Variants in GPC6 observed in about 807,000 individuals in gnomAD.
The protein encoded by GPC6 is glypican-6.
GPC6 carries 14 observed loss-of-function variants against 55.2 expected under a neutral mutation model. That is an observed-to-expected ratio of 0.25 (90% CI 0.17 to 0.40). GPC6 has a LOEUF of 0.40. Ranked by LOEUF, GPC6 falls within the 10% of genes least tolerant of loss-of-function variation. GPC6 has a pLI of 1.00. For missense variants in GPC6, 641 were observed against 708.5 expected, an observed-to-expected ratio of 0.90 and a Z score of 1.08; for synonymous variants, 278 against 259.6, an observed-to-expected ratio of 1.07 and a Z score of -0.68.
At chr13:93,520,729 G>C (rs909510816) in intron 1 of GPC6, among the ~76,000 whole-genome samples, 2 of 151,878 alleles carry the variant, frequency 1.3e-5, no homozygotes, top group African/African-American at 4.8e-5. Flanking sequence ...AATTTGGACT[G>C]TTTTTCATAG....
intron 1 of GPC6, among the ~76,000 whole-genome samples, chr13:93,440,603 G>A (rs1877752026): frequency 6.6e-6 from 1 of 152,142 alleles, no homozygotes; most frequent in Admixed American, 6.5e-5. Context: ...GAATAACTAG[G>A]TGGAGATCAG....
chr13:94,175,891 A>G (rs952849801), intron 4 of GPC6, among the ~76,000 whole-genome samples: 3 of 148,118 alleles, frequency 2.0e-5, no homozygotes, highest in Non-Finnish European at 3.0e-5. Flanking sequence ...TACTTTATTT[A>G]TATACATATA....
chr13:94,321,625 G>A (rs958486077), intron 6 of GPC6, among the ~76,000 whole-genome samples: 2 of 152,124 alleles, frequency 1.3e-5, no homozygotes, highest in African/African-American at 2.4e-5. Context: ...GCATTGGAAC[G>A]GTTATTTTTT....
At chr13:93,678,032 A>T (rs1367725015) in intron 2 of GPC6, among the ~76,000 whole-genome samples, 2 of 152,172 alleles carry the variant, frequency 1.3e-5, no homozygotes, top group Non-Finnish European at 2.9e-5. Flanking sequence ...AAATTTCCCA[A>T]TTCTCATACT....
intron 1 of GPC6, among the ~76,000 whole-genome samples, chr13:93,358,136 C>T (rs1035044727): frequency 6.6e-6 from 1 of 152,088 alleles, no homozygotes; most frequent in Non-Finnish European, 1.5e-5. Flanking sequence ...CACTTCCATT[C>T]AGGAGTTAGA....
chr13:94,072,248 A>G (rs1404767356), intron 4 of GPC6, among the ~76,000 whole-genome samples: 1 of 152,234 alleles, frequency 6.6e-6, no homozygotes, highest in East Asian at 1.9e-4. Flanking sequence ...ATAAATATTT[A>G]ATGAAGATGG....
chr13:93,625,137 A>G (rs75478507), intron 2 of GPC6, among the ~76,000 whole-genome samples: 2,759 of 151,454 alleles, frequency 0.018, 70 homozygotes, highest in African/African-American at 0.063. Flanking sequence ...ACCAGTGTTG[A>G]ATGACAGTTT....
At chr13:93,785,357 C>T (rs962901451) in intron 2 of GPC6, among the ~76,000 whole-genome samples, 1 of 152,144 alleles carries the variant, frequency 6.6e-6, no homozygotes, top group African/African-American at 2.4e-5. Flanking sequence ...AAATGGATCA[C>T]ATTGGCTCTC....
At chr13:93,300,908 A>G (rs1380537014) in intron 1 of GPC6, among the ~76,000 whole-genome samples, 1 of 151,980 alleles carries the variant, frequency 6.6e-6, no homozygotes, top group Non-Finnish European at 1.5e-5. Flanking sequence ...AATCCCAGCT[A>G]CTTGGGAGGC....
intron 5 of GPC6, among the ~76,000 whole-genome samples, chr13:94,304,137 G>A (rs746776417): frequency 1.1e-4 from 16 of 152,206 alleles, no homozygotes; most frequent in Non-Finnish European, 1.2e-4. Flanking sequence ...GGAGAAAAGG[G>A]CCCACTATCT....
intron 1 of GPC6, among the ~76,000 whole-genome samples, chr13:93,262,562 T>A (rs1877186949): frequency 1.3e-5 from 2 of 152,216 alleles, no homozygotes; most frequent in Admixed American, 6.5e-5. Context: ...GCAATTGTAA[T>A]TCTTCCAGTG....
At chr13:93,401,689 CTTTTT>C (rs4001853) in intron 1 of GPC6, among the ~76,000 whole-genome samples, 7 of 64,476 alleles carry the variant, frequency 1.1e-4, no homozygotes, top group African/African-American at 2.7e-4. Flanking sequence ...CATGAATGGA[CTTTTT>C]TTTTTTTTTT....
chr13:94,126,224 A>C (rs1422788813), intron 4 of GPC6, among the ~76,000 whole-genome samples: 1 of 152,102 alleles, frequency 6.6e-6, no homozygotes, highest in Non-Finnish European at 1.5e-5. Flanking sequence ...TACAAAAAAA[A>C]AATTGAAAAT....
intron 1 of GPC6, among the ~76,000 whole-genome samples, chr13:93,232,028 C>T (rs1876079204): frequency 6.6e-6 from 1 of 151,902 alleles, no homozygotes; most frequent in Non-Finnish European, 1.5e-5. Flanking sequence ...CGTTTCCTTT[C>T]TCTGGAAACC....
intron 4 of GPC6, among the ~76,000 whole-genome samples, chr13:94,049,044 A>T (rs996722099): frequency 4.0e-5 from 6 of 151,862 alleles, no homozygotes; most frequent in African/African-American, 7.3e-5. Context: ...GGAATTTGAG[A>T]ATTTGAGACC....
At chr13:93,398,158 A>G (rs1399850272) in intron 1 of GPC6, among the ~76,000 whole-genome samples, 2 of 152,212 alleles carry the variant, frequency 1.3e-5, no homozygotes, top group African/African-American at 2.4e-5. Context: ...TAGTATAACC[A>G]GAGAGAAAGA....
intron 2 of GPC6, among the ~76,000 whole-genome samples, chr13:93,623,376 A>G (rs1337575477): frequency 6.6e-6 from 1 of 151,888 alleles, no homozygotes; most frequent in Non-Finnish European, 1.5e-5. Context: ...TGGCTGGACT[A>G]ATTTACACTC....
intron 4 of GPC6, among the ~76,000 whole-genome samples, chr13:94,037,993 A>T (rs1270354035): frequency 2.6e-5 from 4 of 151,986 alleles, no homozygotes; most frequent in Non-Finnish European, 5.9e-5. Context: ...GTAATTAATT[A>T]ATGTAATTAA....
intron 2 of GPC6, among the ~76,000 whole-genome samples, chr13:93,599,164 A>G (rs1877895109): frequency 6.6e-6 from 1 of 152,136 alleles, no homozygotes; most frequent in Non-Finnish European, 1.5e-5. Flanking sequence ...CCTTCCAGCA[A>G]TCTTTGCTGA....
Sources: allele counts gnomAD v4.1 joint callset (sites outside exome capture counted in the v4.1 genomes callset), GRCh38; gene constraint gnomAD v4.1.1; transcripts MANE v1.5; gene names NCBI Gene and HGNC (gene_info 2026-07-23, HGNC 2026-07-21).